The following CACNA1F variants were observed in gnomAD, a reference collection of about 807,000 sequenced individuals.
CACNA1F encodes the protein calcium voltage-gated channel subunit alpha1 F, also known as voltage-dependent L-type calcium channel subunit alpha-1F.
In CACNA1F, 59 loss-of-function variants were observed where a neutral mutation model predicts 143.8. That is an observed-to-expected ratio of 0.41 (90% CI 0.33 to 0.51). The LOEUF (loss-of-function observed/expected upper bound fraction) is 0.51. CACNA1F is among the 20% of genes least tolerant of loss of function. The pLI is 0.22. For missense variants in CACNA1F, 1,411 were observed against 1,647.5 expected, an observed-to-expected ratio of 0.86 and a Z score of 2.48; for synonymous variants, 643 against 649.1, an observed-to-expected ratio of 0.99 and a Z score of 0.14.
chrX:49,216,554 G>A, intron 26 of CACNA1F, 26 bp from the exon 27 acceptor site: 2 of 1,171,391 alleles, frequency 1.7e-6, no homozygotes, highest in Non-Finnish European at 2.3e-6. Flanking sequence ...CAGGTTAGAT[G>A]GGTGAGGAGG....
At chrX:49,208,713 C>T in intron 42 of CACNA1F, 29 bp from the exon 43 acceptor site, 1 of 1,195,686 alleles carries the variant, frequency 8.4e-7, no homozygotes, top group Non-Finnish European at 1.1e-6. Flanking sequence ...CTGAGTGTTG[C>T]ATGCACTTTG....
chrX:49,207,031 T>G lies in CACNA1F; in HGVS notation c.5205A>C (p.Gln1735His), dbSNP rs1557105078. The change falls in exon 44 of 48, where the codon CAA becomes CAC. Residue 1735 changes from glutamine (Q) to histidine (H), a missense_variant. Coordinates refer to ENST00000323022, the MANE Select transcript of CACNA1F (RefSeq NM_001256789.3). ...GATCAGGGACTTCCTCATCCTCATC[T>G]TGCTTGTTTTGCCCTTTGGTTCCCT... ...QPKGTKGQNK[Q>H]DEDEEVPDRL... is the part of the protein sequence containing the mutation. 3.3e-6 allele frequency: 4 copies of G among 1,200,867 alleles called. No homozygotes were observed. Among genetic ancestry groups the G allele is most frequent in the Non-Finnish European group, 4.5e-6 (4 of 888,314 alleles).
chrX:49,222,256 G>T, intron 17 of CACNA1F: 1 of 371,568 alleles, frequency 2.7e-6, no homozygotes. Flanking sequence ...TATTTTTCTT[G>T]CCTTCCTCAA....
In CACNA1F at chrX:49,211,403, G is replaced by A. The variant is rs376959397; in HGVS notation, c.4179C>T (p.Phe1393=). ...PGNRCDPESD[F]GPGEEFTCGS... ...CACAGGTAAACTCTTCACCAGGGCC[G>A]AAGTCAGACTCAGGATCACACCGAT... The change falls in exon 36 of 48, where the codon TTC becomes TTT. Residue 1393 remains phenylalanine (F), a synonymous_variant. Transcript: ENST00000323022. 4.2e-5 allele frequency: 51 copies of A among 1,207,748 alleles called. No individual in the cohort carries two copies. In the African/African-American group the frequency reaches 6.3e-4, roughly 15 times the overall value.
intron 43 of CACNA1F, 65 bp from the exon 44 acceptor site, chrX:49,207,177 C>T (rs1411987661): frequency 3.1e-6 from 2 of 640,944 alleles, no homozygotes; most frequent in Non-Finnish European, 5.0e-6. Flanking sequence ...ACCCCTGGTT[C>T]CTCTCATCCC....
At chrX:49,224,167 G>A (rs2065802199) in intron 14 of CACNA1F, among the ~76,000 whole-genome samples, 1 of 110,953 alleles carries the variant, frequency 9.0e-6, no homozygotes, top group African/African-American at 3.3e-5. Context: ...TTGAGGGCTG[G>A]GATAGAGGAG....
chrX:49,210,523 C>A, intron 38 of CACNA1F, 67 bp downstream of exon 38: 1 of 1,059,396 alleles, frequency 9.4e-7, no homozygotes, highest in Middle Eastern at 2.5e-4. Flanking sequence ...CAAGGCAGAT[C>A]CCTTCCCACC....
At chrX:49,210,138 C>G (rs961233093) in intron 39 of CACNA1F, 96 bp from the exon 40 acceptor site, 88 of 698,040 alleles carry the variant, frequency 1.3e-4, no homozygotes, top group Non-Finnish European at 1.9e-4. Flanking sequence ...AAGCTGCTAC[C>G]GCAGATGCAC....
At chrX:49,212,365 A>C in intron 33 of CACNA1F, 57 bp from the exon 34 acceptor site, 2 of 971,502 alleles carry the variant, frequency 2.1e-6, no homozygotes, top group Middle Eastern at 2.9e-4. Context: ...GCAAAGAACT[A>C]TAAGCCCCAG....
chrX:49,220,970 A>G (rs1315700169), intron 18 of CACNA1F, 65 bp downstream of exon 18: 1 of 896,263 alleles, frequency 1.1e-6, no homozygotes, highest in Non-Finnish European at 1.6e-6. Flanking sequence ...AAAAACAGAT[A>G]TGCACACATA....
intron 43 of CACNA1F, among the ~76,000 whole-genome samples, chrX:49,207,705 C>T (rs916856943): frequency 2.4e-4 from 26 of 110,033 alleles, no homozygotes; most frequent in Admixed American, 1.9e-3. Flanking sequence ...GCTGGGATTA[C>T]GAGTGTGAGC....
At chrX:49,210,529 C>T in intron 38 of CACNA1F, 61 bp downstream of exon 38, 1 of 1,087,151 alleles carries the variant, frequency 9.2e-7, no homozygotes, top group Non-Finnish European at 1.3e-6. Context: ...AGATCCCTTC[C>T]CACCCTTGCC....
rs375518749 is a variant in CACNA1F, at chrX:49,213,033, G to A, written c.3793-39C>T. ...TGGCCAAGAAAAAGGTGATACAGGAGATGATGACATCATAGGCCCAAATGA... is the reference window on the plus strand; with the variant it reads ...TGGCCAAGAAAAAGGTGATACAGGAAATGATGACATCATAGGCCCAAATGA... On this transcript the variant is annotated intron_variant, in intron 31 of 47. Coordinates refer to ENST00000323022, the MANE Select transcript of CACNA1F (RefSeq NM_001256789.3). 7 of 1,145,986 alleles carry A rather than the reference G, an allele frequency of 6.1e-6. No homozygotes were observed. The African/African-American group carries it at 7.2e-5, about 12-fold the overall frequency. 94.4% of individuals were successfully genotyped at this position (1,145,986 alleles called of 1,213,427 possible).
intron 13 of CACNA1F, 115 bp from the exon 14 acceptor site, chrX:49,225,101 C>T: frequency 1.9e-6 from 1 of 536,309 alleles, no homozygotes; most frequent in Non-Finnish European, 3.3e-6. Context: ...CAGGTGCTGG[C>T]TGAGGGAAGG....
Position 49,223,075 on chromosome X carries a change from A to T in CACNA1F, c.1939T>A (p.Ser647Thr). The change falls in exon 15 of 48, where the codon TCC (serine) becomes ACC (threonine). Residue 647 changes from serine to threonine, a missense_variant. Transcript: ENST00000323022. ...SLLNSMKSIA[S>T]LLLLLFLFII... ...AAGAGGAAGAGGAGAAGCAGCAAGG[A>T]TGCGATGGATTTCATTGAATTGAGC... 8.3e-7 allele frequency: 1 copy of T among 1,203,640 alleles called. No homozygotes were observed. The highest frequency in any genetic ancestry group is 1.1e-6 in the Non-Finnish European group (1 of 890,998).
intron 18 of CACNA1F, 88 bp from the exon 19 acceptor site, chrX:49,220,612 G>T: frequency 1.3e-6 from 1 of 740,949 alleles, no homozygotes. Context: ...TAATAATAGG[G>T]GAAAGAATAG....
chrX:49,210,729 A>G lies in CACNA1F; in HGVS notation c.4389-43T>C, dbSNP rs782014521. 15 of 1,064,485 alleles carry G rather than the reference A, an allele frequency of 1.4e-5. No homozygotes were observed. The South Asian group carries it at 2.9e-4, about 21-fold the overall frequency. 87.7% of individuals were successfully genotyped at this position (1,064,485 alleles called of 1,213,427 possible). On this transcript the variant is annotated intron_variant, in intron 37 of 47. Coordinates refer to ENST00000323022, the MANE Select transcript of CACNA1F (RefSeq NM_001256789.3). ...GTACCACTGGATTGGCGATGCCCCC[A>G]CTAGCCCTTTCTCAAGGCCCCACCA...
rs201059988 is a variant in CACNA1F at position 49,226,437 on chromosome X, C to T, written c.1435G>A (p.Gly479Arg). 516 of 1,187,160 alleles carry T rather than the reference C, an allele frequency of 4.3e-4. 1 individual carries two copies. Among genetic ancestry groups the T allele is most frequent in the Admixed American group, 2.1e-4 (9 of 42,325 alleles). ...ETQGDEDEEEGALASCTRCLN... is the reference protein window; with the variant it reads ...ETQGDEDEEERALASCTRCLN... ...CAGCGTGTACAGCTGGCCAGAGCCC[C>T]CTCCTCCTCATCCTCATCGCCTTGG... The change falls in exon 11 of 48, where the codon GGG becomes AGG. Residue 479 changes from glycine (G) to arginine (R), a missense_variant. Physicochemically the swap from Gly to Arg is moderately radical, Grantham distance 125. This residue lies in a region of CACNA1F where 950 missense variants were observed against 1,128.1 expected (regional missense o/e 0.84). Coordinates refer to ENST00000323022, the MANE Select transcript of CACNA1F (RefSeq NM_001256789.3).
chrX:49,211,832 T>A, intron 35 of CACNA1F, 66 bp downstream of exon 35: 1 of 879,301 alleles, frequency 1.1e-6, no homozygotes, highest in Non-Finnish European at 1.7e-6. Flanking sequence ...TCAAGCAGTC[T>A]GGGGCTCAGA....
Sources: allele counts gnomAD v4.1 joint callset (sites outside exome capture counted in the v4.1 genomes callset), GRCh38; gene constraint gnomAD v4.1.1; regional missense constraint gnomAD v4.1.1; transcripts MANE v1.5; gene names NCBI Gene and HGNC (gene_info 2026-07-23, HGNC 2026-07-21).